Variants in SCN4A observed in about 807,000 individuals in gnomAD.
The protein encoded by SCN4A is sodium channel protein type 4 subunit alpha.
A neutral mutation model predicts 162.0 loss-of-function variants in SCN4A; 83 were observed. That is an observed-to-expected ratio of 0.51 (90% confidence interval 0.43 to 0.61). The LOEUF is 0.61. Ranked by LOEUF, SCN4A falls within the 20% of genes least tolerant of loss-of-function variation. The probability of loss-of-function intolerance (pLI) is 0.00; values close to 1 mark genes in which losing one functional copy is unlikely to be tolerated. For synonymous variants in SCN4A, 944 were observed against 985.1 expected (o/e 0.96, Z 0.78); for missense variants, 2,196 against 2,462.5 (o/e 0.89, Z 2.29).
chr17:63,940,681 A>T lies in SCN4A; in HGVS notation c.*90T>A. On this transcript the variant is annotated 3_prime_UTR_variant, in exon 24 of 24. Transcript: ENST00000435607. The stretch of plus-strand genomic sequence containing the variant: ...GGGAGCCAGGCACAGTCCCAGATTC[A>T]AAGCCCTCCTCCCTCACTCTGTGTG... The T allele has an allele frequency of 1.4e-6, 2 of 1,462,240 alleles. No homozygotes were observed. The highest frequency in any genetic ancestry group is 1.8e-6 in the Non-Finnish European group (2 of 1,092,992). The allele number at this position is 1,462,240 out of a possible 1,614,324, so 90.6% of individuals were successfully genotyped here.
chr17:63,957,685 C>T (rs1909115041), intron 12 of SCN4A, among the ~76,000 whole-genome samples, 167 bp from the exon 13 acceptor site: 1 of 152,138 alleles, frequency 6.6e-6, no homozygotes, highest in Admixed American at 6.5e-5. Flanking sequence ...ATTCTACCAC[C>T]TCAGGCCCTT....
At position 63,968,241 on chromosome 17, in the gene SCN4A, A is replaced by G. The variant is rs1474830131; in HGVS notation, c.818T>C (p.Met273Thr). 4 of 1,614,024 alleles carry G rather than the reference A, an allele frequency of 2.5e-6. No individual in the cohort carries two copies. Among genetic ancestry groups the G allele is most frequent in the African/African-American group, 2.7e-5 (2 of 74,928 alleles). Residue 273 changes from methionine (M) to threonine (T), a missense_variant, in exon 6 of 24, where the codon ATG becomes ACG. Coordinates refer to ENST00000435607, the MANE Select transcript of SCN4A (RefSeq NM_000334.4). ...VFALVGLQLFMGNLRQKCVRW... is the reference protein window; with the variant it reads ...VFALVGLQLFTGNLRQKCVRW... The stretch of plus-strand genomic sequence containing the variant: ...CACACACTTCTGCCTCAGGTTTCCC[A>G]TGAAGAGCTGCAGTCCTACCAGCGC...
chr17:63,966,848 A>T (rs4968678), intron 6 of SCN4A, among the ~76,000 whole-genome samples: 1 of 152,142 alleles, frequency 6.6e-6, no homozygotes, highest in Admixed American at 6.5e-5. Flanking sequence ...TTGTGTACCT[A>T]TGTAGGGCCC....
intron 10 of SCN4A, among the ~76,000 whole-genome samples, chr17:63,962,382 G>T (rs986726395): frequency 3.9e-5 from 6 of 152,240 alleles, no homozygotes; most frequent in Middle Eastern, 3.4e-3. Context: ...CCCTGTTCTT[G>T]CCACCCCAAA....
chr17:63,961,150 C>A, intron 11 of SCN4A, 43 bp downstream of exon 11: 1 of 1,093,420 alleles, frequency 9.1e-7, no homozygotes, highest in Admixed American at 1.9e-5. Context: ...CCTACCCCCT[C>A]CCATCCTGCC....
chr17:63,957,539 G>A (rs1380498697), intron 12 of SCN4A, 21 bp from the exon 13 acceptor site: 2 of 1,566,010 alleles, frequency 1.3e-6, no homozygotes, highest in Non-Finnish European at 8.8e-7. Flanking sequence ...GGGAGGGCAA[G>A]GGTGAATGAG....
rs2009051 is a variant in SCN4A, at chr17:63,965,997, C to G, written c.1242+105G>C. On this transcript the variant is annotated intron_variant, in intron 8 of 23. Coordinates refer to ENST00000435607, the MANE Select transcript of SCN4A (RefSeq NM_000334.4). The stretch of plus-strand genomic sequence containing the variant: ...GAGTCCATGAGGAGATGGCCCAGTT[C>G]GGGGGTTGGCCATCCTGTGGTAGGC... 0.9 allele frequency: 694,635 copies of G among 770,934 alleles called. 314,723 individuals are homozygous for G. The highest frequency in any genetic ancestry group is 1 in the East Asian group (37,209 of 37,270). The allele number at this position is 770,934 out of a possible 1,614,324, so 47.8% of individuals were successfully genotyped here. A position where few individuals can be genotyped will look rare whatever the true frequency, so the allele number is the denominator to read the frequency against.
chr17:63,942,782 C>T (rs1338729047), intron 23 of SCN4A, 44 bp downstream of exon 23: 1 of 1,584,592 alleles, frequency 6.3e-7, no homozygotes, highest in African/African-American at 1.3e-5. Flanking sequence ...TTCCCGAGTG[C>T]CTCAGCTCAG....
intron 18 of SCN4A, among the ~76,000 whole-genome samples, chr17:63,946,502 C>G (rs1037557817): frequency 2.8e-5 from 4 of 143,340 alleles, no homozygotes; most frequent in African/African-American, 1.0e-4. Context: ...GTTTACCTGC[C>G]ACTTCCGCTC....
In SCN4A at chr17:63,972,527, A is replaced by G. The variant is rs755071266; in HGVS notation, c.273+42T>C. 7 of 1,602,258 alleles carry G rather than the reference A, an allele frequency of 4.4e-6. No homozygotes were observed. The highest frequency in any genetic ancestry group is 6.0e-6 in the Non-Finnish European group (7 of 1,174,210). ...GACAGACAGACAGGCAGACAGATGG[A>G]TGGATGGCAGACAGACAGAGGAAGC... On this transcript the variant is annotated intron_variant, in intron 1 of 23. Coordinates refer to ENST00000435607, the MANE Select transcript of SCN4A (RefSeq NM_000334.4). This position sits in a 1 kb window ranked among gnomAD's most constrained non-coding sequence, Gnocchi z 4.3.
chr17:63,942,642 G>A (rs1367873445), intron 23 of SCN4A, among the ~76,000 whole-genome samples, 184 bp downstream of exon 23: 5 of 152,234 alleles, frequency 3.3e-5, no homozygotes, highest in Non-Finnish European at 4.4e-5. Context: ...ATGTGTGCGC[G>A]GGTGACGATC....
intron 10 of SCN4A, among the ~76,000 whole-genome samples, chr17:63,962,132 C>G (rs1217217573): frequency 6.6e-6 from 1 of 152,236 alleles, no homozygotes; most frequent in Non-Finnish European, 1.5e-5. Flanking sequence ...CGCCCACCCC[C>G]TGCCAGAGGC....
chr17:63,960,898 T>G lies in SCN4A; in HGVS notation c.1845+295A>C, dbSNP rs564959699. Among the ~76,000 whole-genome samples the G allele has an allele frequency of 1.8e-4, 27 of 151,624 alleles. No individual in the cohort carries two copies. In the South Asian group the frequency reaches 3.4e-3, roughly 19 times the overall value. On this transcript the variant is annotated intron_variant, in intron 11 of 23. Transcript: ENST00000435607. ...ACACCCCCATTTCCTCACCCCTGCT[T>G]CCAGGGCATGGTCTGGATCCCAGAT...
rs768842294 is a variant in SCN4A at position 63,942,884 on chromosome 17, G to A, written c.4230C>T (p.Tyr1410=). Residue 1410 remains tyrosine (Y), a synonymous_variant, in exon 23 of 24, where the codon TAC becomes TAT. Transcript: ENST00000435607. ...AGATGTTCCAGCCAACGGTGAAGTAGTACTGGCGCAGGGCGAGCATCTTGA... is the reference window on the plus strand; with the variant it reads ...AGATGTTCCAGCCAACGGTGAAGTAATACTGGCGCAGGGCGAGCATCTTGA... The part of the protein sequence containing the change: ...CVLKMLALRQ[Y]YFTVGWNIFD... The A allele has an allele frequency of 1.2e-6, 2 of 1,613,944 alleles. No homozygotes were observed. The highest frequency in any genetic ancestry group is 1.1e-5 in the South Asian group (1 of 91,086).
intron 13 of SCN4A, among the ~76,000 whole-genome samples, chr17:63,955,333 C>T (rs1352167854): frequency 2.6e-5 from 4 of 152,130 alleles, no homozygotes; most frequent in East Asian, 1.9e-4. Context: ...ACAGGAGCAT[C>T]GCCCTGGTGG....
rs550643306 is a variant in SCN4A, at chr17:63,948,547, C to T, written c.3144+64G>A. On this transcript the variant is annotated intron_variant, in intron 16 of 23. Coordinates refer to ENST00000435607, the MANE Select transcript of SCN4A (RefSeq NM_000334.4). ...CCTTCCTGTGTGTGGAGACAGGGAG[C>T]CCCAAGAGGACCTGCTGTGGGCCTG... The T allele has an allele frequency of 2.4e-5, 35 of 1,446,770 alleles. No homozygotes were observed. In the South Asian group the frequency reaches 4.1e-4, roughly 17 times the overall value. The allele number at this position is 1,446,770 out of a possible 1,614,324, so 89.6% of individuals were successfully genotyped here.
rs1567816465 is a variant in SCN4A, at chr17:63,941,859, G to A, written c.4423C>T (p.Leu1475Phe). 6.2e-7 allele frequency: 1 copy of A among 1,613,996 alleles called. No individual in the cohort carries two copies. The highest frequency in any genetic ancestry group is 8.5e-7 in the Non-Finnish European group (1 of 1,179,938). ...AAGAGGGCAGGCAGCGACATCATGA[G>A]GGCGAACAGCAGCGTCCGGATGCCC... Reference protein sequence around the residue: ...AKGIRTLLFALMMSLPALFNI... With the variant: ...AKGIRTLLFAFMMSLPALFNI... The change falls in exon 24 of 24, where the codon CTC becomes TTC. Residue 1475 changes from leucine (L) to phenylalanine (F), a missense_variant. Leu to Phe is a conservative substitution (Grantham distance 22, BLOSUM62 0). Coordinates refer to ENST00000435607, the MANE Select transcript of SCN4A (RefSeq NM_000334.4). This position sits in a 1 kb window ranked among gnomAD's most constrained non-coding sequence, Gnocchi z 6.2.
intron 13 of SCN4A, among the ~76,000 whole-genome samples, chr17:63,953,030 T>G (rs1465825995): frequency 2.6e-5 from 4 of 152,084 alleles, no homozygotes; most frequent in African/African-American, 9.7e-5. Flanking sequence ...AAAAAGGAGA[T>G]TATCCAAGTG....
chr17:63,961,809 C>T (rs2144799905), intron 10 of SCN4A: 1 of 245,508 alleles, frequency 4.1e-6, no homozygotes, highest in South Asian at 6.0e-5. Flanking sequence ...CATCACCCTC[C>T]GGACACACCT....
Sources: allele counts gnomAD v4.1 joint callset (sites outside exome capture counted in the v4.1 genomes callset), GRCh38; gene constraint gnomAD v4.1.1; non-coding constraint Gnocchi (gnomAD v3.1); transcripts MANE v1.5; gene names NCBI Gene and HGNC (gene_info 2026-07-23, HGNC 2026-07-21).